The following GNL3L variants were observed in gnomAD, a reference collection of about 807,000 sequenced individuals.
GNL3L encodes guanine nucleotide-binding protein-like 3-like protein.
GNL3L carries 4 observed loss-of-function variants against 42.9 expected under a neutral mutation model. The ratio of observed to expected loss-of-function variants is 0.09; its 90% confidence interval spans 0.05 to 0.21. GNL3L has a LOEUF of 0.21. Ranked by LOEUF, GNL3L falls within the 10% of genes least tolerant of loss-of-function variation. The pLI, the probability that GNL3L is intolerant of heterozygous loss-of-function variation, is 1.00. For missense variants in GNL3L, 412 were observed against 481.7 expected (o/e 0.86, Z 1.36); for synonymous variants, 159 against 176.3 (o/e 0.90, Z 0.78).
At chrX:54,641,261 CT>C in the GNL3L span, among the ~76,000 whole-genome samples, 1 of 110,627 alleles carries the variant, frequency 9.0e-6, no homozygotes, top group Non-Finnish European at 1.9e-5. Context: ...TTTGTGTATC[CT>C]TCCTCCCAGT....
Sources: allele counts gnomAD v4.1 joint callset (sites outside exome capture counted in the v4.1 genomes callset), GRCh38; gene constraint gnomAD v4.1.1; transcripts MANE v1.5; gene names NCBI Gene and HGNC (gene_info 2026-07-23, HGNC 2026-07-21).